Variants in DSCAML1 observed in about 807,000 individuals in gnomAD.
DSCAML1 encodes cell adhesion molecule DSCAML1.
DSCAML1 carries 38 observed loss-of-function variants against 200.5 expected under a neutral mutation model. That is an observed-to-expected ratio of 0.19 (90% CI 0.15 to 0.25). The LOEUF (loss-of-function observed/expected upper bound fraction) is 0.25. DSCAML1 is among the 10% of genes least tolerant of loss of function. The pLI is 1.00. For synonymous variants in DSCAML1, 1,215 were observed against 1,165.0 expected (o/e 1.04, Z -0.87); for missense variants, 2,223 against 2,858.8 (o/e 0.78, Z 5.07).
intron 3 of DSCAML1, among the ~76,000 whole-genome samples, chr11:117,609,657 G>A (rs749849266): frequency 3.9e-5 from 6 of 151,980 alleles, no homozygotes; most frequent in Admixed American, 2.0e-4. Context: ...TTTGTTCTCC[G>A]AATTCTCTGT....
At chr11:117,660,523 T>G (rs1295908416) in intron 3 of DSCAML1, among the ~76,000 whole-genome samples, 1 of 152,062 alleles carries the variant, frequency 6.6e-6, no homozygotes, top group African/African-American at 2.4e-5. Flanking sequence ...TTCGTGTAGA[T>G]CTCATCCTCC....
At chr11:117,675,499 T>A (rs1256458788) in intron 3 of DSCAML1, among the ~76,000 whole-genome samples, 2 of 123,032 alleles carry the variant, frequency 1.6e-5, no homozygotes, top group Non-Finnish European at 3.2e-5. Context: ...TTTTTTTTTT[T>A]AGAGACAGGG....
intron 11 of DSCAML1, among the ~76,000 whole-genome samples, chr11:117,487,159 A>T (rs1046852459): frequency 1.3e-5 from 2 of 151,964 alleles, no homozygotes; most frequent in African/African-American, 4.8e-5. Context: ...TCCTGATCTC[A>T]GGTGATCCAC....
intron 3 of DSCAML1, among the ~76,000 whole-genome samples, chr11:117,662,991 C>T (rs185605096): frequency 4.1e-4 from 63 of 151,866 alleles, no homozygotes; most frequent in Admixed American, 8.5e-4. Flanking sequence ...TAAGCCCTAC[C>T]GGAGTTGTCA....
In DSCAML1 at chr11:117,439,326, T is replaced by G; in HGVS notation, c.4084A>C (p.Thr1362Pro). The change falls in exon 23 of 33, where the codon ACG (threonine) becomes CCG (proline). Residue 1362 changes from threonine (T) to proline (P), a missense_variant. By Grantham distance (38) the Thr-to-Pro change is conservative. Around this residue, in one of 7 missense-constraint regions of DSCAML1, gnomAD observed 614 missense variants for 739.1 expected, o/e 0.83. Coordinates refer to ENST00000651296, the MANE Select transcript of DSCAML1 (RefSeq NM_020693.4). ...CCACCAGTGTTGGTGGCCGTGCACG[T>G]GTAGTAGCCAGAGTCCTCAGCCTTC... ...AVKAEDSGYY[T>P]CTATNTGGFD... is the part of the protein sequence containing the mutation. 6.2e-7 allele frequency: 1 copy of G among 1,613,890 alleles called. No homozygotes were observed. Among genetic ancestry groups the G allele is most frequent in the Non-Finnish European group, 8.5e-7 (1 of 1,179,982 alleles).
chr11:117,687,448 T>TTTTTTTTTTTG (rs1555198843), intron 3 of DSCAML1, among the ~76,000 whole-genome samples: 2 of 148,634 alleles, frequency 1.3e-5, no homozygotes, highest in Admixed American at 6.8e-5. Flanking sequence ...TTTTTTTTTT[T>TTTTTTTTTTTG]AGAGATGGGG....
At chr11:117,676,971 G>C (rs1412870673) in intron 3 of DSCAML1, among the ~76,000 whole-genome samples, 2 of 152,342 alleles carry the variant, frequency 1.3e-5, no homozygotes, top group East Asian at 3.9e-4. Context: ...AGAGAGCACT[G>C]GGAGGGGAGC....
chr11:117,609,019 CAAACAAACAAACA>C (rs1255018702), intron 3 of DSCAML1, among the ~76,000 whole-genome samples: 7 of 113,696 alleles, frequency 6.2e-5, no homozygotes, highest in Non-Finnish European at 1.1e-4. Flanking sequence ...AACAAACAAA[CAAACAAACAAACA>C]AACAAAAAAA....
chr11:117,469,837 G>A lies in DSCAML1; in HGVS notation c.3024+73C>T. ...AGACTAGAGACTAGCAAGCCTGCTG[G>A]GAGCTTTCGTCCTGGATTGAGGAGA... On this transcript the variant is annotated intron_variant, in intron 16 of 32. Transcript: ENST00000651296. The surrounding 1 kb of genome is among the most constrained non-coding windows in gnomAD (Gnocchi z 4.1). 7.2e-7 allele frequency: 1 copy of A among 1,381,424 alleles called. No homozygotes were observed. Among genetic ancestry groups the A allele is most frequent in the Non-Finnish European group, 9.8e-7 (1 of 1,018,676 alleles). 85.6% of individuals were successfully genotyped at this position (1,381,424 alleles called of 1,614,324 possible).
intron 3 of DSCAML1, among the ~76,000 whole-genome samples, chr11:117,729,065 G>A (rs1264390555): frequency 1.3e-5 from 2 of 152,222 alleles, no homozygotes; most frequent in Admixed American, 6.5e-5. Flanking sequence ...ACTGGTGTAA[G>A]AACAGACATT....
chr11:117,475,674 C>T (rs1424467513), intron 14 of DSCAML1, among the ~76,000 whole-genome samples: 1 of 152,202 alleles, frequency 6.6e-6, no homozygotes, highest in East Asian at 1.9e-4. Flanking sequence ...TTACTTGGGA[C>T]TTGAAGTTCC....
intron 3 of DSCAML1, among the ~76,000 whole-genome samples, chr11:117,771,035 A>T (rs2055029150): frequency 2.0e-5 from 3 of 152,146 alleles, no homozygotes. Flanking sequence ...GCAGAGGCTG[A>T]ATGACACAGT....
upstream of DSCAML1, chr11:117,797,377 C>T (rs1591521460): frequency 6.3e-6 from 6 of 952,542 alleles, no homozygotes; most frequent in Admixed American, 8.7e-5. Context: ...GGAACAGGAG[C>T]GGCGGCCCGG....
chr11:117,532,569 A>C (rs1325425504), intron 3 of DSCAML1, 47 bp from the exon 4 acceptor site: 3 of 1,583,372 alleles, frequency 1.9e-6, no homozygotes, highest in Non-Finnish European at 2.6e-6. Context: ...GGTTTCGTAC[A>C]GCCTCAGAGG....
At chr11:117,811,908 A>G (rs1430607001) in intron 1 of DSCAML1, among the ~76,000 whole-genome samples, 2 of 152,098 alleles carry the variant, frequency 1.3e-5, no homozygotes, top group East Asian at 3.8e-4. Context: ...TTGCCTCCAT[A>G]ACTGCTGTGC....
rs930692450 is a variant in DSCAML1, at chr11:117,498,304, A to G, written c.2359+5541T>C. On this transcript the variant is annotated intron_variant, in intron 11 of 32. Transcript: ENST00000651296. The surrounding 1 kb of genome is among the most constrained non-coding windows in gnomAD (Gnocchi z 4.0). ...CAATCCATGTGCCCAGGCTCCACTT[A>G]CATGCTCTGCCAACAGCCGTCCCTC... Among the ~76,000 whole-genome samples, 9 of 152,310 alleles carry G rather than the reference A, an allele frequency of 5.9e-5. No homozygotes were observed. In the East Asian group the frequency reaches 1.7e-3, roughly 29 times the overall value.
intron 18 of DSCAML1, among the ~76,000 whole-genome samples, chr11:117,461,027 A>C (rs1459350347): frequency 6.6e-6 from 1 of 151,356 alleles, no homozygotes; most frequent in Non-Finnish European, 1.5e-5. Context: ...ACTATTCCCC[A>C]CCGGTCCCTG....
chr11:117,726,805 G>A (rs1013398270), intron 3 of DSCAML1, among the ~76,000 whole-genome samples: 3 of 152,068 alleles, frequency 2.0e-5, no homozygotes, highest in Admixed American at 1.3e-4. Context: ...TAGTGATCGC[G>A]GGAGAATGAG....
chr11:117,758,721 A>G (rs2054743548), intron 3 of DSCAML1, among the ~76,000 whole-genome samples: 1 of 152,126 alleles, frequency 6.6e-6, no homozygotes. Context: ...CTTTATTGCC[A>G]TCTTTGGTTA....
Sources: gnomAD v4.1 joint callset for allele counts (sites outside exome capture counted in the v4.1 genomes callset) on GRCh38, gnomAD v4.1.1 for gene constraint, gnomAD v4.1.1 regional missense constraint, Gnocchi (gnomAD v3.1) non-coding constraint, MANE v1.5 for transcripts, NCBI Gene and HGNC (gene_info 2026-07-23, HGNC 2026-07-21) for gene names.